BTF3L4: variants seen among roughly 807,000 people sequenced by gnomAD.
BTF3L4 encodes transcription factor BTF3 homolog 4.
A neutral mutation model predicts 16.8 loss-of-function variants in BTF3L4; 6 were observed. That is an observed-to-expected ratio of 0.36 (90% CI 0.20 to 0.71). BTF3L4 has a LOEUF of 0.71. BTF3L4 is among the 30% of genes least tolerant of loss of function. The pLI, the probability that BTF3L4 is intolerant of heterozygous loss-of-function variation, is 0.58. For synonymous variants in BTF3L4, 39 were observed against 59.8 expected (o/e 0.65, Z 1.60); for missense variants, 92 against 186.9 (o/e 0.49, Z 2.96).
chr1:52,067,322 A>G (rs1229796390), intron 3 of BTF3L4, among the ~76,000 whole-genome samples: 1 of 152,270 alleles, frequency 6.6e-6, no homozygotes, highest in Non-Finnish European at 1.5e-5. Context: ...CACCTTGCAT[A>G]TATAAATGAA....
intron 3 of BTF3L4, 73 bp from the exon 4 acceptor site, chr1:52,083,267 A>G: frequency 7.7e-7 from 1 of 1,302,476 alleles, no homozygotes; most frequent in South Asian, 1.3e-5. Flanking sequence ...TAATTGGCTG[A>G]ATTGCTTTTT....
At chr1:52,060,472 T>C in intron 2 of BTF3L4, 2 of 1,271,452 alleles carry the variant, frequency 1.6e-6, no homozygotes, top group Non-Finnish European at 2.1e-6. Flanking sequence ...TTGGTGAATA[T>C]GAATATCAGC....
intron 3 of BTF3L4, among the ~76,000 whole-genome samples, chr1:52,065,747 G>A (rs1686630833): frequency 6.6e-6 from 1 of 152,218 alleles, no homozygotes; most frequent in African/African-American, 2.4e-5. Flanking sequence ...TGTTTAAAAT[G>A]TATTAGTCAG....
intron 1 of BTF3L4, among the ~76,000 whole-genome samples, chr1:52,057,730 A>G (rs974744916): frequency 2.6e-5 from 4 of 151,964 alleles, no homozygotes; most frequent in East Asian, 1.9e-4. Flanking sequence ...ACAAAAGACT[A>G]CTCTTGTTCC....
At chr1:52,077,317 G>C (rs1686958883) in intron 3 of BTF3L4, among the ~76,000 whole-genome samples, 1 of 152,204 alleles carries the variant, frequency 6.6e-6, no homozygotes, top group Non-Finnish European at 1.5e-5. Context: ...CAAGGTGGGT[G>C]GGTCACCTGA....
In BTF3L4 at chr1:52,089,113, T is replaced by G. The variant is rs1387677657; in HGVS notation, c.*2355T>G. 1 of 152,130 alleles carries G rather than the reference T, an allele frequency of 6.6e-6. No homozygotes were observed. Among genetic ancestry groups the G allele is most frequent in the African/African-American group, 2.4e-5 (1 of 41,424 alleles). The allele number at this position is 152,130 out of a possible 1,614,324, so 9.4% of individuals were successfully genotyped here. A position where few individuals can be genotyped will look rare whatever the true frequency, so the allele number is the denominator to read the frequency against. ...TCTTCTGCTTCTGCATTTCTGTGAATCTCATTTGAAATTTTTCAGGGAAGG... is the reference window on the plus strand; with the variant it reads ...TCTTCTGCTTCTGCATTTCTGTGAAGCTCATTTGAAATTTTTCAGGGAAGG... On this transcript the variant is annotated 3_prime_UTR_variant, in exon 6 of 6. Transcript: ENST00000313334.
intron 1 of BTF3L4, among the ~76,000 whole-genome samples, chr1:52,058,695 G>A (rs553046257): frequency 6.2e-4 from 94 of 151,790 alleles, no homozygotes; most frequent in African/African-American, 2.2e-3. Context: ...TCCGCCTCCC[G>A]GGTTCAGGCG....
intron 3 of BTF3L4, among the ~76,000 whole-genome samples, chr1:52,080,993 C>G (rs945461559): frequency 2.0e-5 from 3 of 151,926 alleles, no homozygotes; most frequent in Non-Finnish European, 4.4e-5. Flanking sequence ...GCACATGCCA[C>G]CACACCCAGC....
chr1:52,066,155 G>T (rs1295009762), intron 3 of BTF3L4, among the ~76,000 whole-genome samples: 1 of 152,016 alleles, frequency 6.6e-6, no homozygotes, highest in Non-Finnish European at 1.5e-5. Context: ...AACTACTTGT[G>T]ATGTTACCAC....
At chr1:52,084,679 C>G (rs1176351739) in intron 4 of BTF3L4, among the ~76,000 whole-genome samples, 1 of 151,668 alleles carries the variant, frequency 6.6e-6, no homozygotes, top group Non-Finnish European at 1.5e-5. Context: ...GTAGTCATAG[C>G]TACTCAGGAG....
chr1:52,079,381 C>CAAA (rs11441352), intron 3 of BTF3L4, among the ~76,000 whole-genome samples: 79 of 126,286 alleles, frequency 6.3e-4, no homozygotes, highest in African/African-American at 1.7e-3. Context: ...GACTCCATCT[C>CAAA]AAAAAAAAAA....
At chr1:52,067,589 A>G (rs1382521255) in intron 3 of BTF3L4, among the ~76,000 whole-genome samples, 1 of 152,210 alleles carries the variant, frequency 6.6e-6, no homozygotes, top group East Asian at 1.9e-4. Flanking sequence ...TTAATCTTAG[A>G]TACATATTAG....
Position 52,087,874 on chromosome 1 carries a change from C to G in BTF3L4, c.*1116C>G, listed in dbSNP as rs1002602776. On this transcript the variant is annotated 3_prime_UTR_variant, in exon 6 of 6. Coordinates refer to ENST00000313334, the MANE Select transcript of BTF3L4 (RefSeq NM_152265.5). ...CTAGGAGGATTTCCTCAACCACTCT[C>G]CTACTCTTGGCCTTGAACCTACCTC... 2 of 152,596 alleles carry G rather than the reference C, an allele frequency of 1.3e-5. No homozygotes were observed. Among genetic ancestry groups the G allele is most frequent in the Non-Finnish European group, 2.9e-5 (2 of 68,020 alleles). 9.5% of individuals were successfully genotyped at this position (152,596 alleles called of 1,614,324 possible).
chr1:52,058,151 GATTTAAGTCATCAA>G (rs1474609715), intron 1 of BTF3L4, among the ~76,000 whole-genome samples: 2 of 152,168 alleles, frequency 1.3e-5, no homozygotes, highest in Non-Finnish European at 1.5e-5. Flanking sequence ...TAGGAATTGG[GATTTAAGTCATCAA>G]ATTTAAGTCT....
intron 4 of BTF3L4, 116 bp from the exon 5 acceptor site, chr1:52,085,996 T>A (rs1345237828): frequency 5.5e-6 from 3 of 541,624 alleles, no homozygotes; most frequent in African/African-American, 3.9e-5. Context: ...ATTGACAATA[T>A]TTAGCTATTT....
chr1:52,061,047 T>G (rs1429029784), intron 2 of BTF3L4, among the ~76,000 whole-genome samples: 2 of 152,242 alleles, frequency 1.3e-5, no homozygotes, highest in Non-Finnish European at 2.9e-5. Context: ...ATCACAGCTC[T>G]GCTTGGGAGA....
chr1:52,065,954 C>G (rs1418438458), intron 3 of BTF3L4, among the ~76,000 whole-genome samples: 5 of 152,094 alleles, frequency 3.3e-5, no homozygotes, highest in Non-Finnish European at 7.4e-5. Context: ...AAAAGAATCA[C>G]TTGAACCCAG....
chr1:52,083,572 TC>T, intron 4 of BTF3L4, 31 bp downstream of exon 4: 2 of 1,548,624 alleles, frequency 1.3e-6, no homozygotes, highest in Non-Finnish European at 1.8e-6. Context: ...AATCTTTCTC[TC>T]CCCACCTTAC....
chr1:52,060,747 A>G (rs1284636340), intron 2 of BTF3L4: 21 of 437,130 alleles, frequency 4.8e-5, no homozygotes, highest in Non-Finnish European at 6.5e-5. Flanking sequence ...GCACAAGGGA[A>G]GGGAAGGGAA....
Sources: allele counts gnomAD v4.1 joint callset (sites outside exome capture counted in the v4.1 genomes callset), GRCh38; gene constraint gnomAD v4.1.1; transcripts MANE v1.5; gene names NCBI Gene and HGNC (gene_info 2026-07-23, HGNC 2026-07-21).